Variants in CADM2 observed in about 807,000 individuals in gnomAD.
The protein encoded by CADM2 is immunoglobulin superfamily member 4D.
In CADM2, 12 loss-of-function variants were observed where a neutral mutation model predicts 49.8. The observed-to-expected ratio is 0.24, with a 90% confidence interval of 0.15 to 0.39. The LOEUF (loss-of-function observed/expected upper bound fraction) is 0.39. Among genes scored for constraint, CADM2 ranks in the 10% least tolerant of loss-of-function variants. The pLI, the probability that CADM2 is intolerant of heterozygous loss-of-function variation, is 1.00. For missense variants in CADM2, 378 were observed against 492.3 expected, an observed-to-expected ratio of 0.77 and a Z score of 2.20; for synonymous variants, 214 against 175.4, an observed-to-expected ratio of 1.22 and a Z score of -1.74.
chr3:85,899,877 C>T (rs939129020), intron 5 of CADM2, among the ~76,000 whole-genome samples: 2 of 152,114 alleles, frequency 1.3e-5, no homozygotes, highest in African/African-American at 4.8e-5. Flanking sequence ...TACACAGATG[C>T]ACTGATTAGT....
At chr3:85,248,570 C>G (rs1244878932) in intron 1 of CADM2, among the ~76,000 whole-genome samples, 2 of 152,028 alleles carry the variant, frequency 1.3e-5, no homozygotes, top group African/African-American at 4.8e-5. Flanking sequence ...GCAAACACGC[C>G]CAGCCTACAT....
intron 7 of CADM2, among the ~76,000 whole-genome samples, chr3:85,956,485 AT>A (rs1724064865): frequency 6.6e-6 from 1 of 151,602 alleles, no homozygotes; most frequent in Admixed American, 6.6e-5. Flanking sequence ...TCTAACCTCT[AT>A]TTCATTAAAT....
In CADM2 at chr3:85,485,992, T is replaced by G. The variant is rs73142754; in HGVS notation, c.62-240530T>G. On this transcript the variant is annotated intron_variant, in intron 1 of 9. Transcript: ENST00000383699. ...GTTAATAATGACCTTCAAAACTTGT[T>G]CTTATTTGTTGCTGCTGAGTTAAGA... 5.9e-3 allele frequency among the ~76,000 whole-genome samples: 901 copies of G among 152,208 alleles called. 4 individuals are homozygous for G. Among genetic ancestry groups the G allele is most frequent in the Non-Finnish European group, 8.6e-3 (583 of 67,964 alleles).
At chr3:85,359,805 T>C (rs1420152098) in intron 1 of CADM2, among the ~76,000 whole-genome samples, 1 of 149,828 alleles carries the variant, frequency 6.7e-6, no homozygotes, top group Non-Finnish European at 1.5e-5. Flanking sequence ...TTGCATATTT[T>C]AAATGCTGCA....
intron 8 of CADM2, among the ~76,000 whole-genome samples, chr3:86,046,681 T>A (rs983082806): frequency 1.6e-4 from 24 of 152,130 alleles, no homozygotes; most frequent in Admixed American, 4.6e-4. Context: ...CCTGGGGACA[T>A]TATCAGCATG....
intron 1 of CADM2, among the ~76,000 whole-genome samples, chr3:85,101,704 A>G (rs2038019968): frequency 1.3e-5 from 2 of 152,212 alleles, no homozygotes; most frequent in Non-Finnish European, 2.9e-5. Context: ...CTAAAATTGT[A>G]TTTGGGGTTA....
chr3:85,144,751 A>G (rs1183507846), intron 1 of CADM2, among the ~76,000 whole-genome samples: 1 of 152,136 alleles, frequency 6.6e-6, no homozygotes, highest in African/African-American at 2.4e-5. Flanking sequence ...TATTTTTTTA[A>G]TTTGATTCAA....
At chr3:85,786,662 AC>A (rs1445011682) in intron 2 of CADM2, among the ~76,000 whole-genome samples, 2 of 152,118 alleles carry the variant, frequency 1.3e-5, no homozygotes, top group African/African-American at 4.8e-5. Context: ...TAATTAAGGT[AC>A]TATCATTTGA....
chr3:85,946,935 A>T (rs535138411), intron 7 of CADM2, among the ~76,000 whole-genome samples: 1 of 152,264 alleles, frequency 6.6e-6, no homozygotes, highest in South Asian at 2.1e-4. Flanking sequence ...CAAAAGCCAA[A>T]ATTGATAAAT....
At chr3:85,355,043 T>A (rs2107255052) in intron 1 of CADM2, among the ~76,000 whole-genome samples, 1 of 152,156 alleles carries the variant, frequency 6.6e-6, no homozygotes, top group African/African-American at 2.4e-5. Flanking sequence ...TCAGAGCGTG[T>A]CGATGCTCTG....
chr3:85,361,367 T>C (rs968232177), intron 1 of CADM2, among the ~76,000 whole-genome samples: 1 of 152,172 alleles, frequency 6.6e-6, no homozygotes, highest in African/African-American at 2.4e-5. Flanking sequence ...AGTCTCTAGT[T>C]TCTTTTTATT....
chr3:85,489,858 G>A (rs1303817836), intron 1 of CADM2, among the ~76,000 whole-genome samples: 2 of 150,146 alleles, frequency 1.3e-5, no homozygotes, highest in South Asian at 2.2e-4. Context: ...TTATATACTC[G>A]AAATTCAGGG....
chr3:85,454,767 C>A (rs1268225766), intron 1 of CADM2, among the ~76,000 whole-genome samples: 1 of 152,306 alleles, frequency 6.6e-6, no homozygotes, highest in Non-Finnish European at 1.5e-5. Flanking sequence ...TAAAGCATTA[C>A]ATGCAACTAT....
chr3:85,422,748 C>T (rs1190067225), intron 1 of CADM2, among the ~76,000 whole-genome samples: 1 of 151,904 alleles, frequency 6.6e-6, no homozygotes, highest in Non-Finnish European at 1.5e-5. Flanking sequence ...TGGGGTGTGT[C>T]TTTTTTATTT....
chr3:85,944,800 C>T (rs1011933714), intron 7 of CADM2, among the ~76,000 whole-genome samples: 4 of 151,900 alleles, frequency 2.6e-5, no homozygotes, highest in Admixed American at 2.6e-4. Flanking sequence ...AAATTTATAG[C>T]ACTAAAGGCC....
At chr3:85,475,923 C>T (rs1249288587) in intron 1 of CADM2, among the ~76,000 whole-genome samples, 1 of 151,752 alleles carries the variant, frequency 6.6e-6, no homozygotes, top group Non-Finnish European at 1.5e-5. Flanking sequence ...TCAAAATATT[C>T]AGATTGAAAT....
intron 8 of CADM2, among the ~76,000 whole-genome samples, chr3:86,030,697 A>G (rs1023271938): frequency 6.6e-6 from 1 of 151,960 alleles, no homozygotes; most frequent in African/African-American, 2.4e-5. Flanking sequence ...GGTCAACGCT[A>G]TAAGGGTTGA....
At chr3:85,664,333 G>A (rs1420438036) in intron 1 of CADM2, among the ~76,000 whole-genome samples, 3 of 152,000 alleles carry the variant, frequency 2.0e-5, no homozygotes, top group Non-Finnish European at 4.4e-5. Flanking sequence ...GCATTTTCAA[G>A]TAATCATGTT....
chr3:85,897,723 C>T (rs1014897428), intron 5 of CADM2, among the ~76,000 whole-genome samples: 4 of 151,912 alleles, frequency 2.6e-5, no homozygotes, highest in South Asian at 2.1e-4. Flanking sequence ...TTTGGTGTTG[C>T]AAAACTGGTT....
Sources: gnomAD v4.1 joint callset for allele counts (sites outside exome capture counted in the v4.1 genomes callset) on GRCh38, gnomAD v4.1.1 for gene constraint, MANE v1.5 for transcripts, NCBI Gene and HGNC (gene_info 2026-07-23, HGNC 2026-07-21) for gene names.